The following SLC6A2 variants were observed in gnomAD, a reference collection of about 807,000 sequenced individuals.
The protein encoded by SLC6A2 is sodium-dependent noradrenaline transporter.
Under a neutral mutation model 71.7 loss-of-function variants are expected in SLC6A2, and 26 were observed. The observed-to-expected ratio is 0.36, with a 90% CI of 0.27 to 0.50. SLC6A2 has a LOEUF of 0.50. Among genes scored for constraint, SLC6A2 ranks in the 20% least tolerant of loss-of-function variants. SLC6A2 has a pLI of 0.96. For synonymous variants in SLC6A2, 363 were observed against 337.9 expected, an observed-to-expected ratio of 1.07 and a Z score of -0.82; for missense variants, 581 against 803.9, an observed-to-expected ratio of 0.72 and a Z score of 3.35.
intron 3 of SLC6A2, among the ~76,000 whole-genome samples, chr16:55,671,034 G>A (rs915867449): frequency 1.4e-4 from 22 of 152,234 alleles, no homozygotes; most frequent in African/African-American, 5.1e-4. Context: ...GAAGCAGGTG[G>A]CTGAGAGTAG....
chr16:55,681,731 A>G (rs1446294271), intron 4 of SLC6A2, among the ~76,000 whole-genome samples: 1 of 152,208 alleles, frequency 6.6e-6, no homozygotes, highest in East Asian at 1.9e-4. Context: ...TTCCTGCATC[A>G]TTCGGGATGA....
chr16:55,702,761 ACT>A lies in SLC6A2; in HGVS notation c.*416_*417del, dbSNP rs751162039. The A allele has an allele frequency of 0.099, 97,289 of 981,280 alleles. 3,474 individuals are homozygous for A. Among genetic ancestry groups the A allele is most frequent in the African/African-American group, 0.22 (11,017 of 50,700 alleles). 60.8% of individuals were successfully genotyped at this position (981,280 alleles called of 1,614,324 possible). Reference sequence around the variant, plus strand: ...GATACCCCTCCCAAAAAAAAAAAAAACTAAAACTAAAGCAAAAATCAAACAAA... The same window carrying A: ...GATACCCCTCCCAAAAAAAAAAAAAAAAAACTAAAGCAAAAATCAAACAAA... On this transcript the variant is annotated 3_prime_UTR_variant, in exon 15 of 15. Transcript: ENST00000568943.
intron 6 of SLC6A2, 62 bp downstream of exon 6, chr16:55,692,114 T>C: frequency 1.3e-6 from 2 of 1,590,394 alleles, no homozygotes; most frequent in Non-Finnish European, 1.7e-6. Flanking sequence ...CAGGAGAAGG[T>C]GATGATGGAA....
chr16:55,702,602 G>A lies in SLC6A2; in HGVS notation c.*256G>A, dbSNP rs1966006653. 7.1e-7 allele frequency: 1 copy of A among 1,405,968 alleles called. No individual in the cohort carries two copies. Among genetic ancestry groups the A allele is most frequent in the African/African-American group, 1.4e-5 (1 of 69,052 alleles). The allele number at this position is 1,405,968 out of a possible 1,614,324, so 87.1% of individuals were successfully genotyped here. ...CTTCTGTTCTGTCCCCGCTGTTTTG[G>A]GGGAAGTCTCTCCCACTTTGGGATC... On this transcript the variant is annotated 3_prime_UTR_variant, in exon 15 of 15. Transcript: ENST00000568943.
intron 2 of SLC6A2, among the ~76,000 whole-genome samples, chr16:55,662,140 T>A (rs1319492998): frequency 6.6e-6 from 1 of 152,194 alleles, no homozygotes; most frequent in African/African-American, 2.4e-5. Flanking sequence ...CTGGCATGGT[T>A]TGGCTTGTTA....
Position 55,703,260 on chromosome 16 carries a change from T to A in SLC6A2, c.*914T>A. The A allele has an allele frequency of 2.0e-6, 2 of 985,518 alleles. No homozygotes were observed. The highest frequency in any genetic ancestry group is 2.4e-6 in the Non-Finnish European group (2 of 830,000). The allele number at this position is 985,518 out of a possible 1,614,324, so 61.0% of individuals were successfully genotyped here. A position where few individuals can be genotyped will look rare whatever the true frequency, so the allele number is the denominator to read the frequency against. ...GGGACCAAGTGAGGCCTCATGTGTG[T>A]CTTCACCGTGCTGTCCTCACAAGGC... On this transcript the variant is annotated 3_prime_UTR_variant, in exon 15 of 15. Coordinates refer to ENST00000568943, the MANE Select transcript of SLC6A2 (RefSeq NM_001172501.3).
At chr16:55,686,185 G>A (rs933502645) in intron 5 of SLC6A2, among the ~76,000 whole-genome samples, 3 of 152,132 alleles carry the variant, frequency 2.0e-5, no homozygotes, top group Non-Finnish European at 4.4e-5. Flanking sequence ...TGCTCCATGT[G>A]ATATTCCCTG....
At position 55,702,259 on chromosome 16, in the gene SLC6A2, C is replaced by CA. The variant is rs1965995266; in HGVS notation, c.1831-63dup. ...TCTCTCTACCTCCTGCTGCCCCCGC[C>CA]AGCTGGCCCTTGCTCCTTTCTGTCC... On this transcript the variant is annotated intron_variant, in intron 14 of 14. Transcript: ENST00000568943. The CA allele has an allele frequency of 1.6e-5, 24 of 1,529,914 alleles. No individual in the cohort carries two copies. The South Asian group carries it at 2.2e-4, about 14-fold the overall frequency. 94.8% of individuals were successfully genotyped at this position (1,529,914 alleles called of 1,614,324 possible).
intron 4 of SLC6A2, among the ~76,000 whole-genome samples, chr16:55,679,279 G>A (rs1265728919): frequency 7.3e-5 from 11 of 151,250 alleles, no homozygotes. Flanking sequence ...CCAGGCTGGA[G>A]GGCAATGGCT....
intron 4 of SLC6A2, among the ~76,000 whole-genome samples, chr16:55,672,540 A>G (rs1381871713): frequency 3.3e-5 from 5 of 152,220 alleles, no homozygotes; most frequent in African/African-American, 9.6e-5. Context: ...TGGAGGGAAA[A>G]GAACGGTTGC....
At chr16:55,682,727 G>A (rs3785153) in intron 4 of SLC6A2, among the ~76,000 whole-genome samples, 25 of 152,314 alleles carry the variant, frequency 1.6e-4, no homozygotes, top group Middle Eastern at 3.4e-3. Context: ...GGATGATTGG[G>A]GGGCCTCCCA....
chr16:55,656,694 C>T lies in SLC6A2; in HGVS notation c.-1C>T. On this transcript the variant is annotated 5_prime_UTR_variant, in exon 2 of 15. Coordinates refer to ENST00000568943, the MANE Select transcript of SLC6A2 (RefSeq NM_001172501.3). This position sits in a 1 kb window ranked among gnomAD's most constrained non-coding sequence, Gnocchi z 4.5. ...TAAAGTTCCTCTCGCCAGCCGCATC[C>T]ATGCTTCTGGCGCGGATGAACCCGC... The T allele has an allele frequency of 6.2e-7, 1 of 1,612,204 alleles. No individual in the cohort carries two copies. The highest frequency in any genetic ancestry group is 8.5e-7 in the Non-Finnish European group (1 of 1,179,924).
intron 4 of SLC6A2, among the ~76,000 whole-genome samples, chr16:55,673,104 T>C (rs1382745599): frequency 1.3e-5 from 2 of 152,248 alleles, no homozygotes; most frequent in African/African-American, 2.4e-5. Flanking sequence ...TCTTCTCCAA[T>C]CTTTGCTCTT....
At chr16:55,658,652 A>G (rs531404577) in intron 2 of SLC6A2, among the ~76,000 whole-genome samples, 7 of 152,180 alleles carry the variant, frequency 4.6e-5, no homozygotes, top group Non-Finnish European at 7.3e-5. Context: ...GTTTGCGTCC[A>G]TGGTCTCCCT....
intron 11 of SLC6A2, among the ~76,000 whole-genome samples, chr16:55,698,877 T>C (rs59159490): frequency 3.9e-4 from 59 of 152,290 alleles, no homozygotes; most frequent in African/African-American, 1.4e-3. Flanking sequence ...GGTTGCCTAG[T>C]TAAACTTGAA....
Position 55,695,168 on chromosome 16 carries a change from G to A in SLC6A2, c.1023-110G>A, listed in dbSNP as rs1397524589. 31 of 1,284,430 alleles carry A rather than the reference G, an allele frequency of 2.4e-5. No homozygotes were observed. In the African/African-American group the frequency reaches 3.3e-4, roughly 14 times the overall value. The allele number at this position is 1,284,430 out of a possible 1,614,324, so 79.6% of individuals were successfully genotyped here. ...TGGCAGCAGGAGCCACTGAAGGGGGGATGGCCTTTGAGGCTGGGGCCAGGC... is the reference window on the plus strand; with the variant it reads ...TGGCAGCAGGAGCCACTGAAGGGGGAATGGCCTTTGAGGCTGGGGCCAGGC... On this transcript the variant is annotated intron_variant, in intron 7 of 14. Coordinates refer to ENST00000568943, the MANE Select transcript of SLC6A2 (RefSeq NM_001172501.3).
intron 13 of SLC6A2, 79 bp downstream of exon 13, chr16:55,700,385 G>A (rs1197826538): frequency 3.1e-6 from 4 of 1,288,284 alleles, no homozygotes; most frequent in Non-Finnish European, 4.3e-6. Context: ...TTCCTGTTGG[G>A]GTGGGGGAAG....
At chr16:55,691,012 T>C (rs1038644219) in intron 5 of SLC6A2, among the ~76,000 whole-genome samples, 12 of 152,024 alleles carry the variant, frequency 7.9e-5, no homozygotes, top group African/African-American at 2.9e-4. Context: ...CTGTTCCCAC[T>C]AAGATAAAGA....
At chr16:55,700,427 G>A (rs1401616174) in intron 13 of SLC6A2, 121 bp downstream of exon 13, 4 of 803,658 alleles carry the variant, frequency 5.0e-6, no homozygotes, top group Non-Finnish European at 5.8e-6. Context: ...AGGGTCAAAC[G>A]GACCCACCTC....
Sources: gnomAD v4.1 joint callset for allele counts (sites outside exome capture counted in the v4.1 genomes callset) on GRCh38, gnomAD v4.1.1 for gene constraint, Gnocchi (gnomAD v3.1) non-coding constraint, MANE v1.5 for transcripts, NCBI Gene and HGNC (gene_info 2026-07-23, HGNC 2026-07-21) for gene names.